The following GRIK4 variants were observed in gnomAD, a reference collection of about 807,000 sequenced individuals.
GRIK4 encodes the protein glutamate ionotropic receptor kainate type subunit 4.
A neutral mutation model predicts 104.9 loss-of-function variants in GRIK4; 40 were observed. The observed-to-expected ratio is 0.38, with a 90% CI of 0.30 to 0.50. GRIK4 has a LOEUF of 0.50. Among genes scored for constraint, GRIK4 ranks in the 20% least tolerant of loss-of-function variants. The pLI is 0.93. For synonymous variants in GRIK4, 485 were observed against 524.9 expected (o/e 0.92, Z 1.04); for missense variants, 1,047 against 1,308.1 (o/e 0.80, Z 3.08).
intron 1 of GRIK4, among the ~76,000 whole-genome samples, chr11:120,565,364 C>T: frequency 6.6e-6 from 1 of 152,242 alleles, no homozygotes; most frequent in East Asian, 1.9e-4. Context: ...GCTGCATCCT[C>T]TCCTCCTTTA....
intron 9 of GRIK4, among the ~76,000 whole-genome samples, chr11:120,864,009 G>C (rs1954328092): frequency 6.6e-6 from 1 of 152,048 alleles, no homozygotes; most frequent in Non-Finnish European, 1.5e-5. Flanking sequence ...CCTAAAAGAG[G>C]CAAAAATCCA....
chr11:120,918,679 G>A (rs983963991), intron 13 of GRIK4, among the ~76,000 whole-genome samples: 6 of 152,046 alleles, frequency 3.9e-5, no homozygotes, highest in East Asian at 1.9e-4. Context: ...TTCATACAAC[G>A]TCCCCAACTG....
intron 1 of GRIK4, among the ~76,000 whole-genome samples, chr11:120,622,273 A>T (rs191576100): frequency 1.3e-5 from 2 of 152,308 alleles, no homozygotes; most frequent in East Asian, 3.9e-4. Flanking sequence ...TAATTTTCAC[A>T]ACAACCCCAT....
chr11:120,883,885 C>T (rs1955041289), intron 11 of GRIK4, among the ~76,000 whole-genome samples: 1 of 152,154 alleles, frequency 6.6e-6, no homozygotes, highest in Admixed American at 6.5e-5. Context: ...CCAGCTCATG[C>T]CTGGAAGAGC....
intron 1 of GRIK4, among the ~76,000 whole-genome samples, chr11:120,517,643 G>GACAGTGCGTGCCT: frequency 6.6e-6 from 1 of 151,308 alleles, no homozygotes. Context: ...GGGGACAGCT[G>GACAGTGCGTGCCT]GGAAATAGAA....
At chr11:120,588,268 G>A (rs1160701509) in intron 1 of GRIK4, among the ~76,000 whole-genome samples, 1 of 152,160 alleles carries the variant, frequency 6.6e-6, no homozygotes, top group Non-Finnish European at 1.5e-5. Context: ...ATTTGCGGGA[G>A]GCTTCTTGGA....
intron 3 of GRIK4, among the ~76,000 whole-genome samples, chr11:120,694,578 G>A (rs111427332): frequency 4.3e-4 from 65 of 152,252 alleles, no homozygotes; most frequent in African/African-American, 1.3e-3. Flanking sequence ...GGTGCTCTGG[G>A]GGGCATAGTT....
At chr11:120,637,910 C>T (rs893681228) in intron 1 of GRIK4, among the ~76,000 whole-genome samples, 12 of 152,026 alleles carry the variant, frequency 7.9e-5, no homozygotes, top group East Asian at 3.9e-4. Flanking sequence ...GAGGGAGTCT[C>T]GCTCTGTCAT....
intron 8 of GRIK4, among the ~76,000 whole-genome samples, chr11:120,843,386 G>A (rs1315687339): frequency 6.6e-6 from 1 of 152,268 alleles, no homozygotes; most frequent in African/African-American, 2.4e-5. Context: ...GGTATGCCAT[G>A]TTAGAAGACA....
intron 4 of GRIK4, among the ~76,000 whole-genome samples, chr11:120,811,381 C>A (rs1048639515): frequency 3.3e-5 from 5 of 152,158 alleles, no homozygotes; most frequent in African/African-American, 2.4e-5. Flanking sequence ...CTGGGGATGG[C>A]TGTGCGGTGC....
intron 1 of GRIK4, among the ~76,000 whole-genome samples, chr11:120,570,575 G>T (rs1201290734): frequency 6.6e-6 from 1 of 152,114 alleles, no homozygotes; most frequent in Admixed American, 6.5e-5. Context: ...CCCCACCTCA[G>T]CCTCCCGAGT....
intron 1 of GRIK4, among the ~76,000 whole-genome samples, chr11:120,520,303 A>G (rs1417223149): frequency 2.6e-5 from 4 of 152,208 alleles, no homozygotes; most frequent in African/African-American, 9.6e-5. Context: ...TCCAGCCATC[A>G]GCAGGCGCGG....
In GRIK4 at chr11:120,940,464, A is replaced by C; in HGVS notation, c.1590+4A>C. The C allele has an allele frequency of 6.6e-7, 1 of 1,507,422 alleles. No homozygotes were observed. The highest frequency in any genetic ancestry group is 9.2e-7 in the Non-Finnish European group (1 of 1,084,264). 93.4% of individuals were successfully genotyped at this position (1,507,422 alleles called of 1,614,324 possible). On this transcript the variant is annotated splice_donor_region_variant and intron_variant, in intron 14 of 20. Coordinates refer to ENST00000527524, the MANE Select transcript of GRIK4 (RefSeq NM_014619.5). The surrounding 1 kb of genome is among the most constrained non-coding windows in gnomAD (Gnocchi z 4.3). ...CATTCTTTACCGCGTTCATATGGTA[A>C]GAGACTTATTTTATAAGCATTTATG...
At chr11:120,691,258 G>A (rs566487854) in intron 3 of GRIK4, among the ~76,000 whole-genome samples, 1 of 152,302 alleles carries the variant, frequency 6.6e-6, no homozygotes, top group South Asian at 2.1e-4. Context: ...TCAGGCCTGG[G>A]ATGGAGGCTT....
intron 3 of GRIK4, among the ~76,000 whole-genome samples, chr11:120,664,571 A>T (rs987228264): frequency 5.3e-5 from 8 of 152,232 alleles, no homozygotes; most frequent in Admixed American, 3.3e-4. Flanking sequence ...AAGGTCACAC[A>T]GCTAGTGAAA....
At position 120,838,140 on chromosome 11, in the gene GRIK4, A is replaced by C. The variant is rs140017440; in HGVS notation, c.744+1296A>C. Among the ~76,000 whole-genome samples, 12 of 152,322 alleles carry C rather than the reference A, an allele frequency of 7.9e-5. No individual in the cohort carries two copies. The East Asian group carries it at 2.3e-3, about 29-fold the overall frequency. On this transcript the variant is annotated intron_variant, in intron 8 of 20. Coordinates refer to ENST00000527524, the MANE Select transcript of GRIK4 (RefSeq NM_014619.5). ...CCACTATTTCCCATTCATAGAAATC[A>C]TAAGAATGATGGTGATGATATTATC... is the stretch of plus-strand genomic sequence containing the variant.
chr11:120,741,601 CTG>C (rs1274417496), intron 3 of GRIK4, among the ~76,000 whole-genome samples: 3 of 152,156 alleles, frequency 2.0e-5, no homozygotes, highest in Non-Finnish European at 4.4e-5. Flanking sequence ...CTTAACCACA[CTG>C]TGCAATGCTG....
At chr11:120,822,208 T>A (rs1953144676) in intron 6 of GRIK4, among the ~76,000 whole-genome samples, 2 of 83,336 alleles carry the variant, frequency 2.4e-5, no homozygotes, top group East Asian at 3.5e-4. Context: ...GGAAACCCTA[T>A]CTCAAAAAAA....
intron 8 of GRIK4, among the ~76,000 whole-genome samples, chr11:120,853,024 G>T (rs1954011697): frequency 6.6e-6 from 1 of 152,298 alleles, no homozygotes; most frequent in Non-Finnish European, 1.5e-5. Flanking sequence ...TCTATATGGG[G>T]TGCACCAGAG....
Sources: gnomAD v4.1 joint callset for allele counts (sites outside exome capture counted in the v4.1 genomes callset) on GRCh38, gnomAD v4.1.1 for gene constraint, Gnocchi (gnomAD v3.1) non-coding constraint, MANE v1.5 for transcripts, NCBI Gene and HGNC (gene_info 2026-07-23, HGNC 2026-07-21) for gene names.